The following UBTF variants were observed in gnomAD, a reference collection of about 807,000 sequenced individuals.
UBTF encodes nucleolar transcription factor 1.
Under a neutral mutation model 112.3 loss-of-function variants are expected in UBTF, and 8 were observed. The observed-to-expected ratio is 0.07, with a 90% CI of 0.04 to 0.13. The LOEUF is 0.13. Among genes scored for constraint, UBTF ranks in the 10% least tolerant of loss-of-function variants. The pLI, the probability that UBTF is intolerant of heterozygous loss-of-function variation, is 1.00. For synonymous variants in UBTF, 417 were observed against 373.1 expected, an observed-to-expected ratio of 1.12 and a Z score of -1.36; for missense variants, 457 against 982.1, an observed-to-expected ratio of 0.47 and a Z score of 7.15.
At chr17:44,207,999 C>T (rs2056376990) in intron 17 of UBTF, 88 bp from the exon 18 acceptor site, 9 of 1,543,022 alleles carry the variant, frequency 5.8e-6, no homozygotes, top group East Asian at 2.3e-5. Flanking sequence ...GTGGGCTGAG[C>T]ATTTATATAT....
At chr17:44,220,689 A>C (rs890873945), upstream of UBTF, 1 of 150,080 alleles carries the variant, frequency 6.7e-6, no homozygotes, top group Non-Finnish European at 1.5e-5. Context: ...CGCCGCCGCC[A>C]CTCGTAGCAA....
upstream of UBTF, among the ~76,000 whole-genome samples, chr17:44,220,449 C>T (rs1302836904): frequency 2.0e-5 from 3 of 152,122 alleles, no homozygotes; most frequent in Non-Finnish European, 4.4e-5. Flanking sequence ...ATCGCGGCGT[C>T]CAGCTTCGGT....
At chr17:44,214,496 C>T (rs993942847) in intron 5 of UBTF, among the ~76,000 whole-genome samples, 1 of 152,222 alleles carries the variant, frequency 6.6e-6, no homozygotes, top group Non-Finnish European at 1.5e-5. Flanking sequence ...TTTCTTCTGG[C>T]CTTCCCTGGC....
At position 44,211,494 on chromosome 17, in the gene UBTF, G is replaced by A; in HGVS notation, c.1047+112C>T. The stretch of plus-strand genomic sequence containing the variant: ...GCTAAGCCCAGCCCAGCCCCACACT[G>A]TATTGGAGGCAGGTACCCAAGGCAC... On this transcript the variant is annotated intron_variant, in intron 10 of 20. Transcript: ENST00000436088. The surrounding 1 kb of genome is among the most constrained non-coding windows in gnomAD (Gnocchi z 4.9). The A allele has an allele frequency of 3.9e-6, 6 of 1,551,532 alleles. No homozygotes were observed. The highest frequency in any genetic ancestry group is 4.4e-6 in the Non-Finnish European group (5 of 1,141,730).
rs1244848471 is a variant in UBTF, at chr17:44,206,378, CAACA to C, written c.*860_*863del. ...CTCACCGACCCTTTTTCCAGATTCA[CAACA>C]AACTGATGTGGGCTCTAGGACAGAC... On this transcript the variant is annotated 3_prime_UTR_variant, in exon 21 of 21. Coordinates refer to ENST00000436088, the MANE Select transcript of UBTF (RefSeq NM_014233.4). 2 of 150,758 alleles carry C rather than the reference CAACA, an allele frequency of 1.3e-5. No individual in the cohort carries two copies. The highest frequency in any genetic ancestry group is 2.9e-5 in the Non-Finnish European group (2 of 67,870). 9.3% of individuals were successfully genotyped at this position (150,758 alleles called of 1,614,324 possible).
chr17:44,211,551 G>T lies in UBTF; in HGVS notation c.1047+55C>A, dbSNP rs1187250498. On this transcript the variant is annotated intron_variant, in intron 10 of 20. Transcript: ENST00000436088. This position sits in a 1 kb window ranked among gnomAD's most constrained non-coding sequence, Gnocchi z 4.9. ...CCAGGGACTGACTGGCCCAAGATGG[G>T]ATCAGACCTCATGCTTCAAAACCCC... 89 of 1,585,664 alleles carry T rather than the reference G, an allele frequency of 5.6e-5. No individual in the cohort carries two copies. Among genetic ancestry groups the T allele is most frequent in the Middle Eastern group, 4.1e-4 (2 of 4,914 alleles).
At chr17:44,212,557 G>A in intron 7 of UBTF, 103 bp from the exon 8 acceptor site, 3 of 1,057,230 alleles carry the variant, frequency 2.8e-6, no homozygotes, top group Non-Finnish European at 2.8e-6. Flanking sequence ...GGCCATGGGA[G>A]GTCACATCAG....
upstream of UBTF, among the ~76,000 whole-genome samples, chr17:44,220,108 A>C: frequency 7.6e-6 from 1 of 132,096 alleles, no homozygotes; most frequent in South Asian, 2.9e-4. Flanking sequence ...CGGGGCAGGG[A>C]GACACGCAGC....
rs763197940 is a variant in UBTF at position 44,209,657 on chromosome 17, T to C, written c.1703A>G (p.Lys568Arg). ...SKKMKFQGEPKKPPMNGYQKF... is the reference protein window; with the variant it reads ...SKKMKFQGEPRKPPMNGYQKF... ...CCCCCAGGCTCACATGGGAGGCTTC[T>C]TGGGTTCTCCCTGGAATTTCATCTT... The change falls in exon 16 of 21, where the codon AAG becomes AGG. Residue 568 changes from lysine to arginine, a missense_variant. This residue lies in a region of UBTF where 77 missense variants were observed against 211.9 expected (regional missense o/e 0.36). Coordinates refer to ENST00000436088, the MANE Select transcript of UBTF (RefSeq NM_014233.4). 1.2e-6 allele frequency: 2 copies of C among 1,614,200 alleles called. No individual in the cohort carries two copies. The highest frequency in any genetic ancestry group is 4.5e-5 in the East Asian group (2 of 44,886).
intron 15 of UBTF, among the ~76,000 whole-genome samples, 193 bp downstream of exon 15, chr17:44,209,931 C>T (rs999583812): frequency 6.6e-6 from 1 of 152,162 alleles, no homozygotes; most frequent in Non-Finnish European, 1.5e-5. Flanking sequence ...CACAACTGCT[C>T]GCATCCTCCG....
intron 2 of UBTF, 125 bp downstream of exon 2, chr17:44,218,047 C>A: frequency 1.0e-6 from 1 of 984,568 alleles, no homozygotes; most frequent in Non-Finnish European, 1.6e-6. Context: ...CATAAATACT[C>A]AAGGCACTTT....
chr17:44,212,044 G>T, intron 8 of UBTF, 38 bp from the exon 9 acceptor site: 1 of 1,601,476 alleles, frequency 6.2e-7, no homozygotes. Context: ...GCAATGGGGT[G>T]TGGAGTTAGC....
chr17:44,207,831 C>G, intron 18 of UBTF, 33 bp downstream of exon 18: 1 of 1,614,164 alleles, frequency 6.2e-7, no homozygotes, highest in Non-Finnish European at 8.5e-7. Flanking sequence ...TTCCCCCACC[C>G]CTACCCCACT....
chr17:44,212,241 G>C, intron 8 of UBTF, 103 bp downstream of exon 8: 1 of 1,011,516 alleles, frequency 9.9e-7, no homozygotes, highest in Non-Finnish European at 1.5e-6. Context: ...TCCCTCAACA[G>C]AGGGATGGGG....
Position 44,206,809 on chromosome 17 carries a change from G to C in UBTF, c.*433C>G, listed in dbSNP as rs970004952. 1.9e-5 allele frequency: 4 copies of C among 215,208 alleles called. No homozygotes were observed. The highest frequency in any genetic ancestry group is 3.7e-5 in the Non-Finnish European group (4 of 109,200). The allele number at this position is 215,208 out of a possible 1,614,324, so 13.3% of individuals were successfully genotyped here. A position where few individuals can be genotyped will look rare whatever the true frequency, so the allele number is the denominator to read the frequency against. ...CCTCCAGTTCCAATGCAGGGGTCCA[G>C]GTGGCAGGCCCCTCTGGGAAGGAAT... On this transcript the variant is annotated 3_prime_UTR_variant, in exon 21 of 21. Coordinates refer to ENST00000436088, the MANE Select transcript of UBTF (RefSeq NM_014233.4).
intron 17 of UBTF, 167 bp downstream of exon 17, chr17:44,209,185 T>A (rs1042708433): frequency 1.5e-3 from 939 of 622,918 alleles, no homozygotes; most frequent in South Asian, 4.5e-3. Context: ...AAAAAAAAAA[T>A]AAAAATAAAA....
chr17:44,211,550 G>T lies in UBTF; in HGVS notation c.1047+56C>A. ...ACCAGGGACTGACTGGCCCAAGATG[G>T]GATCAGACCTCATGCTTCAAAACCC... On this transcript the variant is annotated intron_variant, in intron 10 of 20. Transcript: ENST00000436088. This position sits in a 1 kb window ranked among gnomAD's most constrained non-coding sequence, Gnocchi z 4.9. 1 of 1,580,280 alleles carries T rather than the reference G, an allele frequency of 6.3e-7. No individual in the cohort carries two copies.
intron 2 of UBTF, 46 bp downstream of exon 2, chr17:44,218,126 G>A: frequency 6.3e-7 from 1 of 1,594,584 alleles, no homozygotes; most frequent in Non-Finnish European, 8.6e-7. Context: ...CAGCCACGAG[G>A]GAAAGAGGGT....
At chr17:44,209,267 C>T (rs998262398) in intron 17 of UBTF, 85 bp downstream of exon 17, 2 of 1,409,482 alleles carry the variant, frequency 1.4e-6, no homozygotes, top group Admixed American at 4.8e-5. Flanking sequence ...CCAGCCAGCA[C>T]AAGTGGGTGG....
Sources: allele counts gnomAD v4.1 joint callset (sites outside exome capture counted in the v4.1 genomes callset), GRCh38; gene constraint gnomAD v4.1.1; regional missense constraint gnomAD v4.1.1; non-coding constraint Gnocchi (gnomAD v3.1); transcripts MANE v1.5; gene names NCBI Gene and HGNC (gene_info 2026-07-23, HGNC 2026-07-21).